Variants in YIF1B observed in about 807,000 individuals in gnomAD.
YIF1B encodes Yip1 interacting factor homolog B, membrane trafficking protein.
Under a neutral mutation model 34.6 loss-of-function variants are expected in YIF1B, and 24 were observed. The ratio of observed to expected loss-of-function variants is 0.69; its 90% CI spans 0.50 to 0.98. The LOEUF (loss-of-function observed/expected upper bound fraction) is 0.98, where lower values mean the gene tolerates loss of function less well. Among genes scored for constraint, YIF1B ranks in the 50% least tolerant of loss-of-function variants. YIF1B has a pLI of 0.00. For missense variants in YIF1B, 368 were observed against 429.4 expected (o/e 0.86, Z 1.26); for synonymous variants, 186 against 184.8 (o/e 1.01, Z -0.05).
At chr19:38,308,946 A>G (rs1969185282) in intron 4 of YIF1B, 33 bp downstream of exon 4, 1 of 1,612,414 alleles carries the variant, frequency 6.2e-7, no homozygotes, top group Non-Finnish European at 8.5e-7. Flanking sequence ...CCCGGAAGAG[A>G]GAGGAGGGTG....
In YIF1B at chr19:38,309,347, A is replaced by T. The variant is rs774695271; in HGVS notation, c.298-19T>A. 1.1e-5 allele frequency: 18 copies of T among 1,613,664 alleles called. No individual in the cohort carries two copies. The highest frequency in any genetic ancestry group is 1.5e-5 in the Non-Finnish European group (18 of 1,179,828). ...GGTCGATCTGGGGAGGCAGAGCTCAAGTCTGAAGCCCTGTGGCCCCGTGCA... is the reference window on the plus strand; with the variant it reads ...GGTCGATCTGGGGAGGCAGAGCTCATGTCTGAAGCCCTGTGGCCCCGTGCA... On this transcript the variant is annotated intron_variant, in intron 2 of 7. Transcript: ENST00000339413.
upstream of YIF1B, among the ~76,000 whole-genome samples, chr19:38,319,568 G>A (rs561942798): frequency 1.3e-5 from 2 of 152,294 alleles, no homozygotes; most frequent in East Asian, 3.9e-4. Flanking sequence ...TGCGCGATGG[G>A]GGGCGACTCC....
chr19:38,309,666 G>A (rs1338926555), intron 1 of YIF1B, 23 bp from the exon 2 acceptor site: 5 of 1,586,326 alleles, frequency 3.2e-6, no homozygotes, highest in Non-Finnish European at 4.3e-6. Context: ...AGAGTGAGAA[G>A]GAGCTGGGGA....
rs774600852 is a variant in YIF1B at position 38,315,918 on chromosome 19, CCTT to C, written c.-4_-2del. The C allele has an allele frequency of 6.8e-7, 1 of 1,462,402 alleles. No individual in the cohort carries two copies. The highest frequency in any genetic ancestry group is 1.3e-5 in the South Asian group (1 of 75,132). 90.6% of individuals were successfully genotyped at this position (1,462,402 alleles called of 1,614,324 possible). On this transcript the variant is annotated 5_prime_UTR_variant, in exon 1 of 8. Transcript: ENST00000339413. ...CCGCCGCCAAGCCTGCCGGGTGCAT[CCTT>C]CGCCGCCGCCACCTAAGCCGCGGTT...
Position 38,309,474 on chromosome 19 carries a change from C to A in YIF1B, c.228G>T (p.Pro76=). 1.2e-6 allele frequency: 2 copies of A among 1,613,968 alleles called. No homozygotes were observed. Among genetic ancestry groups the A allele is most frequent in the Non-Finnish European group, 8.5e-7 (1 of 1,179,982 alleles). Residue 76 remains proline, a synonymous_variant, in exon 2 of 8, where the codon CCG becomes CCT. Coordinates refer to ENST00000339413, the MANE Select transcript of YIF1B (RefSeq NM_001039672.3). The stretch of plus-strand genomic sequence containing the variant: ...CATAGGCCATGGCCATGTTGGACAC[C>A]GGGTCAGCCAGGAAGGCTGCATGGG... ...PTPHAAFLAD[P]VSNMAMAYGS...
chr19:38,315,956 C>G (rs1038216161), upstream of YIF1B: 12 of 1,396,294 alleles, frequency 8.6e-6, no homozygotes, highest in Non-Finnish European at 1.0e-5. Flanking sequence ...TCGGAGCGTG[C>G]CCGCCCGGCT....
At chr19:38,316,126 T>C (rs1490452562), upstream of YIF1B, among the ~76,000 whole-genome samples, 2 of 147,962 alleles carry the variant, frequency 1.4e-5, no homozygotes, top group East Asian at 4.2e-4. Context: ...GCTACTGGGC[T>C]CATGCAGTAA....
intron 1 of YIF1B, among the ~76,000 whole-genome samples, chr19:38,312,838 C>A (rs1969376897): frequency 6.6e-6 from 1 of 152,184 alleles, no homozygotes; most frequent in East Asian, 1.9e-4. Flanking sequence ...GCCTCGAACC[C>A]TTCCTCTCAA....
rs1047335863 is a variant in YIF1B at position 38,304,759 on chromosome 19, C to CG, written c.*592dup. Reference sequence around the variant, plus strand: ...AGAGGCGTCCCCGCACTGGGGCTGGCGGGGAGGGTGCGGGGAGTGGTCCCC... The same window carrying CG: ...AGAGGCGTCCCCGCACTGGGGCTGGCGGGGGAGGGTGCGGGGAGTGGTCCCC... On this transcript the variant is annotated 3_prime_UTR_variant, in exon 8 of 8. Coordinates refer to ENST00000339413, the MANE Select transcript of YIF1B (RefSeq NM_001039672.3). 6.2e-7 allele frequency: 1 copy of CG among 1,611,308 alleles called. No individual in the cohort carries two copies. Among genetic ancestry groups the CG allele is most frequent in the African/African-American group, 1.3e-5 (1 of 74,988 alleles).
chr19:38,304,167 C>A lies in YIF1B; in HGVS notation c.*1185G>T. 1 of 1,488,716 alleles carries A rather than the reference C, an allele frequency of 6.7e-7. No individual in the cohort carries two copies. The highest frequency in any genetic ancestry group is 9.2e-7 in the Non-Finnish European group (1 of 1,081,172). 92.2% of individuals were successfully genotyped at this position (1,488,716 alleles called of 1,614,324 possible). On this transcript the variant is annotated 3_prime_UTR_variant, in exon 8 of 8. Coordinates refer to ENST00000339413, the MANE Select transcript of YIF1B (RefSeq NM_001039672.3). ...AGGTTGGGTGGGGCGTCTCAGCATT[C>A]CTCCAACGGGCAGGTCTCAGCGCTC...
At chr19:38,309,383 C>T in intron 2 of YIF1B, 22 bp downstream of exon 2, 1 of 1,612,462 alleles carries the variant, frequency 6.2e-7, no homozygotes, top group Non-Finnish European at 8.5e-7. Flanking sequence ...TCCCCCCACT[C>T]CCACCAGCCC....
rs1484002414 is a variant in YIF1B, at chr19:38,309,218, G to A, written c.402+6C>T. 3 of 1,613,584 alleles carry A rather than the reference G, an allele frequency of 1.9e-6. No individual in the cohort carries two copies. The highest frequency in any genetic ancestry group is 2.7e-5 in the African/African-American group (2 of 74,908). On this transcript the variant is annotated splice_donor_region_variant and intron_variant, in intron 3 of 7. Coordinates refer to ENST00000339413, the MANE Select transcript of YIF1B (RefSeq NM_001039672.3). ...TGCAGACCCACATTCCCCTGGGGGTGCTGACCTGGTGTAGGTAGGGGAAGA... is the reference window on the plus strand; with the variant it reads ...TGCAGACCCACATTCCCCTGGGGGTACTGACCTGGTGTAGGTAGGGGAAGA...
upstream of YIF1B, chr19:38,319,919 C>A: frequency 7.2e-7 from 1 of 1,383,002 alleles, no homozygotes; most frequent in South Asian, 1.7e-5. Flanking sequence ...TCAGCGGGGC[C>A]ACCCAGGGCT....
Position 38,307,499 on chromosome 19 carries a change from C to A in YIF1B, c.718G>T (p.Gly240Cys). The change falls in exon 7 of 8, where the codon GGC becomes TGC. Residue 240 changes from glycine to cysteine, a missense_variant. This residue lies in a region of YIF1B where 208 missense variants were observed against 247.8 expected (regional missense o/e 0.84). Transcript: ENST00000339413. ...TAGCCAATCTTCCCGAAGAGCAGGC[C>A]CATGAGGACCCCGCCAATCATCCTG... ...YVGMIGGVLM[G>C]LLFGKIGYYL... is the part of the protein sequence containing the mutation. The A allele has an allele frequency of 3.7e-6, 6 of 1,613,842 alleles. No homozygotes were observed. Among genetic ancestry groups the A allele is most frequent in the Non-Finnish European group, 5.1e-6 (6 of 1,180,000 alleles).
At position 38,307,358 on chromosome 19, in the gene YIF1B, C is replaced by T. The variant is rs562832995; in HGVS notation, c.789+70G>A. 17 of 1,526,694 alleles carry T rather than the reference C, an allele frequency of 1.1e-5. No homozygotes were observed. In the South Asian group the frequency reaches 1.3e-4, roughly 11 times the overall value. 94.6% of individuals were successfully genotyped at this position (1,526,694 alleles called of 1,614,324 possible). On this transcript the variant is annotated intron_variant, in intron 7 of 7. Transcript: ENST00000339413. ...TGGTCTGAACCCCACACCTGACATCCTCTGCTTGGATGCCTGGATGCCTCC... is the reference window on the plus strand; with the variant it reads ...TGGTCTGAACCCCACACCTGACATCTTCTGCTTGGATGCCTGGATGCCTCC...
upstream of YIF1B, among the ~76,000 whole-genome samples, chr19:38,318,877 G>T (rs1176704648): frequency 6.6e-6 from 1 of 152,180 alleles, no homozygotes; most frequent in Admixed American, 6.5e-5. Context: ...GACTTACGGG[G>T]GGGCGCAGAA....
intron 7 of YIF1B, among the ~76,000 whole-genome samples, chr19:38,306,136 G>A (rs1172071965): frequency 3.4e-5 from 5 of 148,894 alleles, no homozygotes; most frequent in African/African-American, 1.2e-4. Flanking sequence ...CCCAAGAGGC[G>A]GAGGTTGCAG....
At chr19:38,320,684 G>A (rs557430752), upstream of YIF1B, among the ~76,000 whole-genome samples, 2 of 152,068 alleles carry the variant, frequency 1.3e-5, no homozygotes, top group East Asian at 3.9e-4. Flanking sequence ...TCAGCCTGCC[G>A]AGTAGCTGGG....
At chr19:38,307,137 G>A in intron 7 of YIF1B, 1 of 516,314 alleles carries the variant, frequency 1.9e-6, no homozygotes, top group Admixed American at 2.8e-5. Context: ...ATTCTGGCAG[G>A]AAGGCTCCCA....
Sources: allele counts gnomAD v4.1 joint callset (sites outside exome capture counted in the v4.1 genomes callset), GRCh38; gene constraint gnomAD v4.1.1; regional missense constraint gnomAD v4.1.1; transcripts MANE v1.5; gene names NCBI Gene and HGNC (gene_info 2026-07-23, HGNC 2026-07-21).